The following CLEC12A variants were observed in gnomAD, a reference collection of about 807,000 sequenced individuals.
CLEC12A encodes C-type lectin domain family 12 member A.
Under a neutral mutation model 26.5 loss-of-function variants are expected in CLEC12A, and 22 were observed. The ratio of observed to expected loss-of-function variants is 0.83; its 90% CI spans 0.59 to 1.19. CLEC12A has a LOEUF of 1.19. Among genes scored for constraint, CLEC12A ranks in the 50% most tolerant of loss-of-function variants. The pLI, the probability that CLEC12A is intolerant of heterozygous loss-of-function variation, is 0.00. For missense variants in CLEC12A, 353 were observed against 315.6 expected, an observed-to-expected ratio of 1.12 and a Z score of -0.90; for synonymous variants, 119 against 101.9, an observed-to-expected ratio of 1.17 and a Z score of -1.01.
intron 1 of CLEC12A, among the ~76,000 whole-genome samples, chr12:9,963,812 G>A (rs1195938641): frequency 6.6e-6 from 1 of 152,208 alleles, no homozygotes; most frequent in Non-Finnish European, 1.5e-5. Context: ...CTTGTACCCA[G>A]ACTCCTGGGG....
intron 1 of CLEC12A, among the ~76,000 whole-genome samples, chr12:9,974,672 T>G (rs1250269052): frequency 6.6e-6 from 1 of 152,234 alleles, no homozygotes; most frequent in South Asian, 2.1e-4. Context: ...TATTAAATTA[T>G]TTAGTGTCTG....
chr12:9,980,647 G>A lies in CLEC12A; in HGVS notation c.445G>A (p.Asp149Asn). The A allele has an allele frequency of 1.2e-6, 2 of 1,613,882 alleles. No homozygotes were observed. Among genetic ancestry groups the A allele is most frequent in the Non-Finnish European group, 1.7e-6 (2 of 1,179,848 alleles). ...WHKDSCYFLS[D>N]DVQTWQESKM... The stretch of plus-strand genomic sequence containing the variant: ...TAAGGACAGCTGTTATTTCCTAAGT[G>A]ATGATGTCCAAACATGGCAGGAGAG... The change falls in exon 4 of 6, where the codon GAT (aspartate) becomes AAT (asparagine). Residue 149 changes from aspartate (D) to asparagine (N), a missense_variant. Transcript: ENST00000304361.
At chr12:9,994,246 ATT>A (rs1401920024) in intron 4 of CLEC12A, among the ~76,000 whole-genome samples, 1 of 152,080 alleles carries the variant, frequency 6.6e-6, no homozygotes, top group Non-Finnish European at 1.5e-5. Flanking sequence ...AACGAGTTTG[ATT>A]TGTTGGAAGA....
At chr12:9,995,055 G>C in exon 5 of CLEC12A, 1 of 1,592,786 alleles carries the variant, frequency 6.3e-7, no homozygotes, top group Non-Finnish European at 8.6e-7. Flanking sequence ...ATAACCCATA[G>C]TAGTGACTTG....
At chr12:9,998,468 C>A, downstream of CLEC12A, 1 of 882,706 alleles carries the variant, frequency 1.1e-6, no homozygotes, top group South Asian at 1.3e-5. Flanking sequence ...CCTGCCTTCT[C>A]AGGGTCCTCC....
chr12:9,975,474 T>C (rs1162597024), intron 1 of CLEC12A, among the ~76,000 whole-genome samples: 1 of 152,146 alleles, frequency 6.6e-6, no homozygotes, highest in African/African-American at 2.4e-5. Context: ...CCCTAGAAAT[T>C]TGTGGAACAT....
At chr12:9,954,453 C>G (rs1033880605) in intron 1 of CLEC12A, among the ~76,000 whole-genome samples, 1 of 151,960 alleles carries the variant, frequency 6.6e-6, no homozygotes, top group Non-Finnish European at 1.5e-5. Flanking sequence ...CTTGATCACA[C>G]CACTGCACTT....
At chr12:9,972,635 CCT>C (rs1252842841) in intron 1 of CLEC12A, among the ~76,000 whole-genome samples, 1 of 152,158 alleles carries the variant, frequency 6.6e-6, no homozygotes, top group African/African-American at 2.4e-5. Context: ...TGTCCTCTCT[CCT>C]CTCCCCACAC....
chr12:10,003,435 A>G, the CLEC12A span, among the ~76,000 whole-genome samples: 8 of 152,256 alleles, frequency 5.3e-5, no homozygotes, highest in Non-Finnish European at 1.2e-4. Flanking sequence ...AGGCATATGT[A>G]TACAGAACAT....
At position 9,985,504 on chromosome 12, in the gene CLEC12A, T is replaced by C; in HGVS notation, c.*478T>C. On this transcript the variant is annotated 3_prime_UTR_variant, in exon 6 of 6. Coordinates refer to ENST00000304361, the MANE Select transcript of CLEC12A (RefSeq NM_138337.6). ...AGGACTTATAGCCAATTGATTGTTCTAGGCCAGGTAAGAATGGATATGGAC... is the reference window on the plus strand; with the variant it reads ...AGGACTTATAGCCAATTGATTGTTCCAGGCCAGGTAAGAATGGATATGGAC... 2.5e-6 allele frequency: 1 copy of C among 398,780 alleles called. No individual in the cohort carries two copies. The highest frequency in any genetic ancestry group is 4.4e-6 in the Non-Finnish European group (1 of 226,176). The allele number at this position is 398,780 out of a possible 1,614,324, so 24.7% of individuals were successfully genotyped here. A position where few individuals can be genotyped will look rare whatever the true frequency, so the allele number is the denominator to read the frequency against.
chr12:10,004,824 GT>G, the CLEC12A span, among the ~76,000 whole-genome samples: 1 of 152,014 alleles, frequency 6.6e-6, no homozygotes, highest in Admixed American at 6.5e-5. Context: ...GTGCAGGTTT[GT>G]TACATATGTA....
At chr12:9,994,992 G>T in intron 4 of CLEC12A, 1 of 1,542,648 alleles carries the variant, frequency 6.5e-7, no homozygotes, top group Non-Finnish European at 8.8e-7. Context: ...ATTGTCTTAT[G>T]ACCAGCGCTG....
downstream of CLEC12A, among the ~76,000 whole-genome samples, chr12:9,988,929 C>T (rs906534538): frequency 9.9e-5 from 15 of 152,102 alleles, no homozygotes; most frequent in Non-Finnish European, 1.9e-4. Context: ...TTTATTGCAG[C>T]ACTATTCACA....
At position 9,964,170 on chromosome 12, in the gene CLEC12A, G is replaced by A. The variant is rs1004846210; in HGVS notation, c.11-7407G>A. 3.3e-5 allele frequency among the ~76,000 whole-genome samples: 5 copies of A among 152,280 alleles called. No individual in the cohort carries two copies. The East Asian group carries it at 5.8e-4, about 18-fold the overall frequency. ...GTTTTTTAAGTAAGTGTGGAGGAGG[G>A]CGGCAGCTTGCTGACGTGAAATGTC... On this transcript the variant is annotated intron_variant, in intron 1 of 6. Transcript: ENST00000355690.
chr12:9,973,604 C>A (rs1293298981), intron 1 of CLEC12A, among the ~76,000 whole-genome samples: 6 of 152,156 alleles, frequency 3.9e-5, no homozygotes, highest in Admixed American at 6.6e-5. Flanking sequence ...CAGTTACTCT[C>A]ACCTTTCCTC....
At chr12:9,958,008 A>C (rs1325370951) in intron 1 of CLEC12A, among the ~76,000 whole-genome samples, 2 of 152,250 alleles carry the variant, frequency 1.3e-5, no homozygotes, top group African/African-American at 4.8e-5. Flanking sequence ...AAGGCTGCTC[A>C]TGAAGAAGAA....
chr12:9,979,767 T>C (rs1413209949), intron 3 of CLEC12A, among the ~76,000 whole-genome samples: 1 of 152,176 alleles, frequency 6.6e-6, no homozygotes, highest in East Asian at 1.9e-4. Context: ...AATAAAATGT[T>C]AGACAAGACA....
chr12:9,965,562 C>T (rs545782769), intron 1 of CLEC12A, among the ~76,000 whole-genome samples: 1 of 151,810 alleles, frequency 6.6e-6, no homozygotes, highest in South Asian at 2.1e-4. Flanking sequence ...GTTTGAGACC[C>T]AGAACAGAAT....
chr12:9,988,050 G>C (rs867499520), downstream of CLEC12A, among the ~76,000 whole-genome samples: 1 of 152,114 alleles, frequency 6.6e-6, no homozygotes, highest in Non-Finnish European at 1.5e-5. Flanking sequence ...CTTTTGGGAA[G>C]ACATGATTGA....
Sources: gnomAD v4.1 joint callset for allele counts (sites outside exome capture counted in the v4.1 genomes callset) on GRCh38, gnomAD v4.1.1 for gene constraint, MANE v1.5 for transcripts, NCBI Gene and HGNC (gene_info 2026-07-23, HGNC 2026-07-21) for gene names.